ZNF385D: variants seen among roughly 807,000 people sequenced by gnomAD.
ZNF385D encodes zinc finger protein 385D.
A neutral mutation model predicts 35.8 loss-of-function variants in ZNF385D; 15 were observed. The observed-to-expected ratio is 0.42, with a 90% CI of 0.28 to 0.64. The LOEUF (loss-of-function observed/expected upper bound fraction) is 0.64, where lower values mean the gene tolerates loss of function less well. Ranked by LOEUF, ZNF385D falls within the 30% of genes least tolerant of loss-of-function variation. The pLI is 0.23. For missense variants in ZNF385D, 474 were observed against 494.6 expected, an observed-to-expected ratio of 0.96 and a Z score of 0.39; for synonymous variants, 212 against 186.8, an observed-to-expected ratio of 1.13 and a Z score of -1.10.
At chr3:21,743,030 T>C (rs2069594257) in intron 1 of ZNF385D, among the ~76,000 whole-genome samples, 1 of 152,228 alleles carries the variant, frequency 6.6e-6, no homozygotes, top group African/African-American at 2.4e-5. Context: ...AATAGAACCG[T>C]GAGAAACATT....
chr3:22,069,856 G>A (rs781234346), intron 3 of ZNF385D, among the ~76,000 whole-genome samples: 3 of 152,150 alleles, frequency 2.0e-5, no homozygotes, highest in African/African-American at 7.2e-5. Flanking sequence ...CTGTAGGCAG[G>A]TACCTTCCTT....
chr3:21,721,028 A>C (rs1301460348), intron 1 of ZNF385D, among the ~76,000 whole-genome samples: 2 of 152,236 alleles, frequency 1.3e-5, no homozygotes, highest in Non-Finnish European at 2.9e-5. Context: ...ATTTTTAAAA[A>C]ACATATCCTT....
At chr3:21,918,921 G>A (rs1700322723) in intron 3 of ZNF385D, among the ~76,000 whole-genome samples, 1 of 152,066 alleles carries the variant, frequency 6.6e-6, no homozygotes, top group African/African-American at 2.4e-5. Flanking sequence ...TATTTCAAAT[G>A]CTTGCCCTAG....
intron 3 of ZNF385D, among the ~76,000 whole-genome samples, chr3:22,135,650 GA>G (rs1265832459): frequency 6.6e-6 from 1 of 152,080 alleles, no homozygotes; most frequent in Non-Finnish European, 1.5e-5. Flanking sequence ...GGAAGAAAAA[GA>G]AATTAAGTAG....
intron 3 of ZNF385D, among the ~76,000 whole-genome samples, chr3:22,014,701 C>T (rs1181155761): frequency 6.6e-6 from 1 of 151,466 alleles, no homozygotes; most frequent in Non-Finnish European, 1.5e-5. Flanking sequence ...AAAATAAAGA[C>T]TTGATATACA....
chr3:21,863,092 TATCCTCAA>T (rs1697147135), intron 3 of ZNF385D, among the ~76,000 whole-genome samples: 2 of 152,298 alleles, frequency 1.3e-5, no homozygotes, highest in South Asian at 4.1e-4. Flanking sequence ...TAAAGTCCAC[TATCCTCAA>T]AATCCTAGAG....
At chr3:21,941,345 A>G (rs1447365721) in intron 3 of ZNF385D, among the ~76,000 whole-genome samples, 1 of 152,166 alleles carries the variant, frequency 6.6e-6, no homozygotes, top group Non-Finnish European at 1.5e-5. Flanking sequence ...GAGTAGTAGT[A>G]TATGTATGCA....
At chr3:21,752,623 G>A (rs535184178), upstream of ZNF385D, among the ~76,000 whole-genome samples, 2 of 152,084 alleles carry the variant, frequency 1.3e-5, no homozygotes, top group Middle Eastern at 6.8e-3. Context: ...AATTTGGTGA[G>A]TGAAAGTAGG....
intron 3 of ZNF385D, among the ~76,000 whole-genome samples, chr3:22,030,843 GA>G (rs534669606): frequency 5.5e-4 from 83 of 152,272 alleles, no homozygotes; most frequent in Admixed American, 1.4e-3. Flanking sequence ...TTCTACCTAT[GA>G]ACCTGTAAAA....
chr3:21,647,466 CCT>C (rs1005399710), intron 2 of ZNF385D, among the ~76,000 whole-genome samples: 4 of 151,646 alleles, frequency 2.6e-5, no homozygotes, highest in Non-Finnish European at 5.9e-5. Context: ...TCTCACTCTC[CCT>C]GTCTCCTTCC....
chr3:21,962,577 T>C (rs1702656771), intron 3 of ZNF385D, among the ~76,000 whole-genome samples: 1 of 152,218 alleles, frequency 6.6e-6, no homozygotes, highest in South Asian at 2.1e-4. Flanking sequence ...GAACATAAAA[T>C]ATGGAAGTAC....
chr3:21,717,091 C>T (rs1229534821), intron 1 of ZNF385D, among the ~76,000 whole-genome samples: 2 of 152,110 alleles, frequency 1.3e-5, no homozygotes, highest in Non-Finnish European at 2.9e-5. Flanking sequence ...CAAGATTGCG[C>T]CACTGCACTC....
intron 3 of ZNF385D, among the ~76,000 whole-genome samples, chr3:22,166,722 C>T (rs1706355346): frequency 6.6e-6 from 1 of 152,302 alleles, no homozygotes; most frequent in African/African-American, 2.4e-5. Context: ...AAATCTTTGG[C>T]TATTCTAAAT....
At chr3:22,085,074 C>T (rs1353401040) in intron 3 of ZNF385D, among the ~76,000 whole-genome samples, 3 of 152,210 alleles carry the variant, frequency 2.0e-5, no homozygotes, top group Non-Finnish European at 4.4e-5. Flanking sequence ...ACATTTAAAG[C>T]AGTGTGTAGA....
At chr3:22,370,341 A>T (rs546340150) in intron 2 of ZNF385D, among the ~76,000 whole-genome samples, 14 of 152,304 alleles carry the variant, frequency 9.2e-5, no homozygotes, top group Middle Eastern at 3.4e-3. Flanking sequence ...AGCACTATTG[A>T]TTTACAATAA....
chr3:22,282,612 G>T (rs1271764484), intron 2 of ZNF385D, among the ~76,000 whole-genome samples: 1 of 151,834 alleles, frequency 6.6e-6, no homozygotes, highest in Admixed American at 6.6e-5. Context: ...CTATAATTTT[G>T]ATTTTCTTAA....
intron 3 of ZNF385D, among the ~76,000 whole-genome samples, chr3:21,808,638 C>T (rs1054412901): frequency 3.9e-5 from 6 of 152,168 alleles, no homozygotes; most frequent in African/African-American, 9.7e-5. Context: ...CCTCTCCTGC[C>T]GGAAGGTAAT....
chr3:21,555,915 T>G (rs946561139), intron 3 of ZNF385D, among the ~76,000 whole-genome samples: 1 of 151,872 alleles, frequency 6.6e-6, no homozygotes, highest in Non-Finnish European at 1.5e-5. Context: ...CTAACTGGTG[T>G]GAGATGGTAT....
At chr3:21,962,540 G>A (rs550498002) in intron 3 of ZNF385D, among the ~76,000 whole-genome samples, 1 of 152,192 alleles carries the variant, frequency 6.6e-6, no homozygotes, top group South Asian at 2.1e-4. Flanking sequence ...AAGCTTTGTA[G>A]AGAGAATTAG....
Sources: gnomAD v4.1 joint callset for allele counts (sites outside exome capture counted in the v4.1 genomes callset) on GRCh38, gnomAD v4.1.1 for gene constraint, MANE v1.5 for transcripts, NCBI Gene and HGNC (gene_info 2026-07-23, HGNC 2026-07-21) for gene names.